DCX: variants seen among roughly 807,000 people sequenced by gnomAD.
DCX encodes the protein doublecortin, also known as neuronal migration protein doublecortin.
DCX carries 4 observed loss-of-function variants against 20.9 expected under a neutral mutation model. The observed-to-expected ratio is 0.19, with a 90% confidence interval of 0.09 to 0.44. The LOEUF is 0.44. Among genes scored for constraint, DCX ranks in the 20% least tolerant of loss-of-function variants. The pLI is 0.99. For synonymous variants in DCX, 103 were observed against 111.4 expected, an observed-to-expected ratio of 0.92 and a Z score of 0.47; for missense variants, 133 against 296.9, an observed-to-expected ratio of 0.45 and a Z score of 4.06.
intron 3 of DCX, among the ~76,000 whole-genome samples, chrX:111,399,119 G>GTAAA (rs927347221): frequency 4.5e-5 from 5 of 110,130 alleles, no homozygotes; most frequent in Non-Finnish European, 5.7e-5. Flanking sequence ...GACTCCAAAA[G>GTAAA]TAAATAAATA....
At chrX:111,317,852 A>G (rs1305503628) in intron 5 of DCX, among the ~76,000 whole-genome samples, 3 of 111,219 alleles carry the variant, frequency 2.7e-5, no homozygotes, top group Non-Finnish European at 5.7e-5. Context: ...GCAAATCAAA[A>G]CCACAATGAG....
At chrX:111,314,062 T>A (rs1046806452) in intron 5 of DCX, among the ~76,000 whole-genome samples, 1 of 112,139 alleles carries the variant, frequency 8.9e-6, no homozygotes, top group East Asian at 2.8e-4. Flanking sequence ...GCACCACTTA[T>A]GGAAATATTT....
At chrX:111,347,033 C>T (rs1387620663) in intron 3 of DCX, among the ~76,000 whole-genome samples, 1 of 111,447 alleles carries the variant, frequency 9.0e-6, no homozygotes, top group Non-Finnish European at 1.9e-5. Flanking sequence ...TTAGGCTCCA[C>T]AAGAGTAGAG....
At chrX:111,322,069 T>A (rs949858589) in intron 5 of DCX, among the ~76,000 whole-genome samples, 38 of 112,333 alleles carry the variant, frequency 3.4e-4, no homozygotes, top group African/African-American at 1.2e-3. Flanking sequence ...CCCCAGTTTA[T>A]CAAAAGAGCT....
In DCX at chrX:111,295,940, G is replaced by A. The variant is rs776672628; in HGVS notation, c.*5747C>T. The A allele has an allele frequency of 1.6e-3, 181 of 111,898 alleles. No individual in the cohort carries two copies. Among genetic ancestry groups the A allele is most frequent in the Middle Eastern group, 4.6e-3 (1 of 217 alleles). The allele number at this position is 111,898 out of a possible 1,213,427, so 9.2% of individuals were successfully genotyped here. A position where few individuals can be genotyped will look rare whatever the true frequency, so the allele number is the denominator to read the frequency against. ...CTGATTGGACTGGGGTAGGACCAGG[G>A]CTGATTGAATCTGGAAATAATTTAT... On this transcript the variant is annotated 3_prime_UTR_variant, in exon 7 of 7. Transcript: ENST00000636035.
At chrX:111,308,255 T>C (rs1281001217) in intron 6 of DCX, among the ~76,000 whole-genome samples, 1 of 112,074 alleles carries the variant, frequency 8.9e-6, no homozygotes, top group Non-Finnish European at 1.9e-5. Flanking sequence ...GTGCTGGCGA[T>C]ACTATTGTAT....
chrX:111,399,914 T>A (rs964553218), intron 3 of DCX, among the ~76,000 whole-genome samples: 1 of 111,875 alleles, frequency 8.9e-6, no homozygotes, highest in Non-Finnish European at 1.9e-5. Context: ...AAGTACACAG[T>A]ACCTGGGTGA....
At chrX:111,388,889 T>G (rs1926727229) in intron 3 of DCX, among the ~76,000 whole-genome samples, 2 of 112,214 alleles carry the variant, frequency 1.8e-5, no homozygotes, top group Non-Finnish European at 3.8e-5. Flanking sequence ...GCTAGCTCTA[T>G]ATGTTATAGT....
chrX:111,385,090 T>A, intron 3 of DCX, among the ~76,000 whole-genome samples: 1 of 112,635 alleles, frequency 8.9e-6, no homozygotes, highest in South Asian at 3.7e-4. Context: ...GAACTCCAGA[T>A]TGAAACATCA....
chrX:111,407,545 G>A (rs775744356), intron 2 of DCX, among the ~76,000 whole-genome samples: 1 of 111,086 alleles, frequency 9.0e-6, no homozygotes, highest in Admixed American at 9.6e-5. Context: ...GGACTAAATG[G>A]GTATTGAGGT....
chrX:111,333,845 AACAG>A (rs1382780607), intron 3 of DCX, among the ~76,000 whole-genome samples: 1 of 111,435 alleles, frequency 9.0e-6, no homozygotes, highest in African/African-American at 3.3e-5. Context: ...GCTTCTCAAC[AACAG>A]ACAGACAGTC....
At chrX:111,360,460 G>A (rs1013983356) in intron 3 of DCX, among the ~76,000 whole-genome samples, 6 of 111,197 alleles carry the variant, frequency 5.4e-5, no homozygotes, top group Non-Finnish European at 1.1e-4. Flanking sequence ...GGTAGTGGGG[G>A]TGGGGTTGAG....
intron 3 of DCX, among the ~76,000 whole-genome samples, chrX:111,364,153 G>C (rs1047735248): frequency 1.8e-5 from 2 of 112,006 alleles, no homozygotes; most frequent in African/African-American, 6.5e-5. Context: ...ATTTTGGACT[G>C]GGTGGGACTC....
intron 3 of DCX, among the ~76,000 whole-genome samples, chrX:111,344,524 A>T (rs952507598): frequency 8.9e-6 from 1 of 111,806 alleles, no homozygotes; most frequent in Non-Finnish European, 1.9e-5. Flanking sequence ...TTAAACTAAC[A>T]AGCAATTTCA....
intron 3 of DCX, among the ~76,000 whole-genome samples, chrX:111,340,477 G>A (rs1201239725): frequency 1.8e-5 from 2 of 111,994 alleles, no homozygotes; most frequent in African/African-American, 6.5e-5. Flanking sequence ...CAGCCCAGAT[G>A]AGTGGGTTTT....
chrX:111,380,722 T>C (rs1434401548), intron 3 of DCX, among the ~76,000 whole-genome samples: 5 of 111,182 alleles, frequency 4.5e-5, no homozygotes, highest in African/African-American at 1.6e-4. Context: ...AGGAATTTCA[T>C]TGAATCAGTA....
In DCX at chrX:111,316,086, T is replaced by A. The variant is rs752009467; in HGVS notation, c.947-3350A>T. 3.7e-3 allele frequency among the ~76,000 whole-genome samples: 189 copies of A among 50,408 alleles called. 1 individual carries two copies. Among genetic ancestry groups the A allele is most frequent in the East Asian group, 7.4e-3 (10 of 1,349 alleles). The allele number at this position is 50,408 out of a possible 115,157, so 43.8% of individuals were successfully genotyped here. ...CTAAAACTTAGAGTATAATAAAAAATAAAAAAAAAAAAAAAAAAAAAAAAT... is the reference window on the plus strand; with the variant it reads ...CTAAAACTTAGAGTATAATAAAAAAAAAAAAAAAAAAAAAAAAAAAAAAAT... On this transcript the variant is annotated intron_variant, in intron 5 of 6. Coordinates refer to ENST00000636035, the MANE Select transcript of DCX (RefSeq NM_001195553.2).
At chrX:111,375,331 G>A (rs1019638544) in intron 3 of DCX, among the ~76,000 whole-genome samples, 6 of 111,273 alleles carry the variant, frequency 5.4e-5, no homozygotes, top group Admixed American at 3.8e-4. Flanking sequence ...AGTTATGTAA[G>A]ATGTTACCAT....
rs951545201 is a variant in DCX at position 111,296,317 on chromosome X, A to G, written c.*5370T>C. 8.9e-6 allele frequency: 1 copy of G among 111,864 alleles called. No individual in the cohort carries two copies. Among genetic ancestry groups the G allele is most frequent in the Non-Finnish European group, 1.9e-5 (1 of 53,195 alleles). The allele number at this position is 111,864 out of a possible 1,213,427, so 9.2% of individuals were successfully genotyped here. A position where few individuals can be genotyped will look rare whatever the true frequency, so the allele number is the denominator to read the frequency against. Reference sequence around the variant, plus strand: ...TGTGCCATCTGACCTCTCCCAACTAACCTGCCCTTCTGATCAGGAGCAGAA... The same window carrying G: ...TGTGCCATCTGACCTCTCCCAACTAGCCTGCCCTTCTGATCAGGAGCAGAA... On this transcript the variant is annotated 3_prime_UTR_variant, in exon 7 of 7. Coordinates refer to ENST00000636035, the MANE Select transcript of DCX (RefSeq NM_001195553.2).
Sources: gnomAD v4.1 joint callset for allele counts (sites outside exome capture counted in the v4.1 genomes callset) on GRCh38, gnomAD v4.1.1 for gene constraint, MANE v1.5 for transcripts, NCBI Gene and HGNC (gene_info 2026-07-23, HGNC 2026-07-21) for gene names.